The following TMEM135 variants were observed in gnomAD, a reference collection of about 807,000 sequenced individuals.
TMEM135 encodes the protein transmembrane protein 135, also known as peroxisomal membrane protein 52.
Under a neutral mutation model 60.3 loss-of-function variants are expected in TMEM135, and 30 were observed. The ratio of observed to expected loss-of-function variants is 0.50; its 90% CI spans 0.37 to 0.68. TMEM135 has a LOEUF of 0.68. TMEM135 is among the 30% of genes least tolerant of loss of function. TMEM135 has a pLI of 0.00. For synonymous variants in TMEM135, 190 were observed against 186.7 expected (o/e 1.02, Z -0.14); for missense variants, 468 against 548.8 (o/e 0.85, Z 1.47).
intron 6 of TMEM135, among the ~76,000 whole-genome samples, chr11:87,244,079 A>G (rs1231335075): frequency 7.1e-5 from 6 of 84,532 alleles, no homozygotes; most frequent in Non-Finnish European, 1.1e-4. Context: ...GAATTTTGTC[A>G]AAGGCCTTTT....
intron 5 of TMEM135, among the ~76,000 whole-genome samples, chr11:87,172,015 A>G (rs1591076079): frequency 6.6e-6 from 1 of 152,170 alleles, no homozygotes; most frequent in Non-Finnish European, 1.5e-5. Flanking sequence ...GCCAGGGACC[A>G]GTACCTGTAC....
intron 5 of TMEM135, among the ~76,000 whole-genome samples, chr11:87,171,294 A>T (rs1228483536): frequency 6.6e-6 from 1 of 151,392 alleles, no homozygotes; most frequent in East Asian, 1.9e-4. Flanking sequence ...TACTCTTATC[A>T]CTGTTTTTCC....
chr11:87,271,629 T>G (rs1941864780), intron 6 of TMEM135, among the ~76,000 whole-genome samples: 1 of 152,132 alleles, frequency 6.6e-6, no homozygotes, highest in Admixed American at 6.6e-5. Flanking sequence ...TTGGGTTAAG[T>G]GAAATATATT....
chr11:87,060,482 T>C (rs1949935242), intron 1 of TMEM135, among the ~76,000 whole-genome samples: 1 of 152,224 alleles, frequency 6.6e-6, no homozygotes, highest in Non-Finnish European at 1.5e-5. Flanking sequence ...GGTTTAAATT[T>C]ATAACATGCA....
At chr11:87,176,612 A>C (rs532453467) in intron 5 of TMEM135, among the ~76,000 whole-genome samples, 1 of 152,326 alleles carries the variant, frequency 6.6e-6, no homozygotes, top group African/African-American at 2.4e-5. Flanking sequence ...AGATTGTACA[A>C]ATTTCCATAT....
In TMEM135 at chr11:87,094,544, A is replaced by G. The variant is rs7112407; in HGVS notation, c.396+3149A>G. ...CGCCTAGTCTTTCCTCTGTCTCATT[A>G]GAAATTACAGTATAGGCTAGGTGTG... On this transcript the variant is annotated intron_variant, in intron 4 of 14. Transcript: ENST00000305494. Among the ~76,000 whole-genome samples the G allele has an allele frequency of 7.7e-3, 1,178 of 152,222 alleles. 16 individuals are homozygous for G. Among genetic ancestry groups the G allele is most frequent in the African/African-American group, 0.026 (1,067 of 41,524 alleles).
At chr11:87,111,979 C>A (rs528333359) in intron 4 of TMEM135, among the ~76,000 whole-genome samples, 1 of 152,128 alleles carries the variant, frequency 6.6e-6, no homozygotes, top group Non-Finnish European at 1.5e-5. Context: ...TGTAGCCTAT[C>A]TAAATGTTAT....
At chr11:87,269,086 C>CA (rs1456900980) in intron 6 of TMEM135, among the ~76,000 whole-genome samples, 1 of 150,600 alleles carries the variant, frequency 6.6e-6, no homozygotes, top group East Asian at 1.9e-4. Context: ...TTGAAATACG[C>CA]AATGCACATT....
chr11:87,186,095 CG>C (rs1364228412), intron 5 of TMEM135, among the ~76,000 whole-genome samples: 1 of 152,048 alleles, frequency 6.6e-6, no homozygotes. Flanking sequence ...TTAGTGGAGA[CG>C]GGGTTTCACC....
chr11:87,173,151 C>T lies in TMEM135; in HGVS notation c.462+15745C>T, dbSNP rs369181362. Among the ~76,000 whole-genome samples, 4 of 152,178 alleles carry T rather than the reference C, an allele frequency of 2.6e-5. No individual in the cohort carries two copies. In the South Asian group the frequency reaches 6.2e-4, roughly 24 times the overall value. On this transcript the variant is annotated intron_variant, in intron 5 of 14. Coordinates refer to ENST00000305494, the MANE Select transcript of TMEM135 (RefSeq NM_022918.4). ...TGTCTTTACTGCTTCCCTTCTAGCA[C>T]TACCTCAGGAAAAAATGTAAGTCTT... is the stretch of plus-strand genomic sequence containing the variant.
chr11:87,306,538 A>G (rs757930582), intron 9 of TMEM135, among the ~76,000 whole-genome samples: 7 of 152,096 alleles, frequency 4.6e-5, no homozygotes, highest in Non-Finnish European at 1.5e-5. Flanking sequence ...AGAGCTAACT[A>G]TGCCTGGCAT....
chr11:87,286,560 A>G (rs570232052), intron 6 of TMEM135, among the ~76,000 whole-genome samples: 2 of 152,304 alleles, frequency 1.3e-5, no homozygotes, highest in South Asian at 4.1e-4. Context: ...ACCGGGGGCC[A>G]CAGAGCAGGG....
At chr11:87,059,140 T>G (rs1045300987) in intron 1 of TMEM135, among the ~76,000 whole-genome samples, 2 of 151,890 alleles carry the variant, frequency 1.3e-5, no homozygotes, top group Non-Finnish European at 2.9e-5. Flanking sequence ...CTTCACCATG[T>G]TGGGCAGGCT....
chr11:87,240,781 T>C (rs1447636611), intron 6 of TMEM135, among the ~76,000 whole-genome samples: 13 of 152,266 alleles, frequency 8.5e-5, no homozygotes, highest in Admixed American at 6.5e-4. Flanking sequence ...TACTGTAAAG[T>C]GTATTATAAC....
intron 5 of TMEM135, among the ~76,000 whole-genome samples, chr11:87,162,039 T>C (rs1591066492): frequency 6.6e-6 from 1 of 152,088 alleles, no homozygotes; most frequent in African/African-American, 2.4e-5. Flanking sequence ...ATAAAAAACA[T>C]GCACAACAAT....
intron 4 of TMEM135, among the ~76,000 whole-genome samples, chr11:87,142,370 C>T (rs900019440): frequency 6.6e-6 from 1 of 152,186 alleles, no homozygotes; most frequent in African/African-American, 2.4e-5. Flanking sequence ...CCTCATGTAG[C>T]TGTGCTGTAA....
intron 3 of TMEM135, among the ~76,000 whole-genome samples, chr11:87,071,919 G>C (rs1378501319): frequency 6.6e-6 from 1 of 152,112 alleles, no homozygotes. Flanking sequence ...AGGCCAGGCA[G>C]CTCATTCCTG....
Position 87,305,947 on chromosome 11 carries a change from G to C in TMEM135, c.710G>C (p.Gly237Ala). ...GGGTTCAATTTCAGATGCAAACATGGACCAAGGCATAGATGTTGCAAACAT... is the reference window on the plus strand; with the variant it reads ...GGGTTCAATTTCAGATGCAAACATGCACCAAGGCATAGATGTTGCAAACAT... ...RKFVDSICKH[G>A]PRHRCCKHYE... is the part of the protein sequence containing the mutation. Residue 237 changes from glycine (G) to alanine (A), a missense_variant, in exon 9 of 15, where the codon GGA becomes GCA. Coordinates refer to ENST00000305494, the MANE Select transcript of TMEM135 (RefSeq NM_022918.4). 1 of 1,603,674 alleles carries C rather than the reference G, an allele frequency of 6.2e-7. No homozygotes were observed. Among genetic ancestry groups the C allele is most frequent in the Non-Finnish European group, 8.5e-7 (1 of 1,174,264 alleles).
chr11:87,104,201 T>G (rs1319648338), intron 4 of TMEM135, among the ~76,000 whole-genome samples: 5 of 152,188 alleles, frequency 3.3e-5, no homozygotes, highest in Non-Finnish European at 5.9e-5. Context: ...TCTTTTCCTG[T>G]TTTGTGTTGT....
Sources: allele counts gnomAD v4.1 joint callset (sites outside exome capture counted in the v4.1 genomes callset), GRCh38; gene constraint gnomAD v4.1.1; transcripts MANE v1.5; gene names NCBI Gene and HGNC (gene_info 2026-07-23, HGNC 2026-07-21).